PRIM2: variants seen among roughly 807,000 people sequenced by gnomAD.
PRIM2 encodes DNA primase subunit 2.
Under a neutral mutation model 67.3 loss-of-function variants are expected in PRIM2, and 39 were observed. The ratio of observed to expected loss-of-function variants is 0.58; its 90% CI spans 0.45 to 0.76. PRIM2 has a LOEUF of 0.76. PRIM2 is among the 30% of genes least tolerant of loss of function. The pLI is 0.00. For synonymous variants in PRIM2, 143 were observed against 198.7 expected, an observed-to-expected ratio of 0.72 and a Z score of 2.36; for missense variants, 398 against 598.7, an observed-to-expected ratio of 0.66 and a Z score of 3.50.
chr6:57,246,857 CT>C, the PRIM2 span, among the ~76,000 whole-genome samples: 64,780 of 140,006 alleles, frequency 0.46, 14,263 homozygotes, highest in East Asian at 0.76. Flanking sequence ...GACTTAATTT[CT>C]TTTTTTTTTT....
the PRIM2 span, among the ~76,000 whole-genome samples, chr6:57,266,168 C>T: frequency 2.6e-5 from 4 of 152,082 alleles, no homozygotes; most frequent in South Asian, 8.3e-4. Context: ...TATAAAGTAG[C>T]TGCAATGTGA....
At chr6:57,574,337 C>G (rs1348311366) in intron 10 of PRIM2, among the ~76,000 whole-genome samples, 2 of 151,772 alleles carry the variant, frequency 1.3e-5, no homozygotes, top group Non-Finnish European at 2.9e-5. Flanking sequence ...TTGCTTGGGC[C>G]GCTGCCATTC....
chr6:57,432,634 TG>T (rs1207025862), intron 7 of PRIM2, among the ~76,000 whole-genome samples: 1 of 152,238 alleles, frequency 6.6e-6, no homozygotes, highest in Non-Finnish European at 1.5e-5. Context: ...AAAATAGTTT[TG>T]AGAAGAATTT....
At chr6:57,412,370 A>G (rs1238936952) in intron 7 of PRIM2, among the ~76,000 whole-genome samples, 10 of 152,050 alleles carry the variant, frequency 6.6e-5, no homozygotes, top group Admixed American at 3.3e-4. Flanking sequence ...CCTGTTAGCA[A>G]TTTTCTACAA....
chr6:57,396,678 G>T (rs113177250), intron 7 of PRIM2, among the ~76,000 whole-genome samples: 1 of 152,100 alleles, frequency 6.6e-6, no homozygotes, highest in Non-Finnish European at 1.5e-5. Flanking sequence ...GTGAGGTACC[G>T]TTCCATTCAT....
intron 7 of PRIM2, among the ~76,000 whole-genome samples, chr6:57,465,011 TG>T (rs1773139691): frequency 6.6e-6 from 1 of 152,202 alleles, no homozygotes. Flanking sequence ...TCTTTATAGT[TG>T]GGATTATTAT....
the PRIM2 span, among the ~76,000 whole-genome samples, chr6:57,275,038 G>A: frequency 6.6e-6 from 1 of 151,330 alleles, no homozygotes; most frequent in African/African-American, 2.4e-5. Context: ...ACCTGCCTTG[G>A]ATTATAGGCG....
upstream of PRIM2, among the ~76,000 whole-genome samples, chr6:57,311,757 G>C (rs530691597): frequency 1.5e-3 from 232 of 152,128 alleles, 1 homozygote; most frequent in African/African-American, 4.6e-3. Flanking sequence ...TTGAGTGAGC[G>C]AGACTCCGTC....
chr6:57,563,951 G>A (rs1164525702), intron 10 of PRIM2, among the ~76,000 whole-genome samples: 16 of 152,164 alleles, frequency 1.1e-4, no homozygotes, highest in African/African-American at 3.1e-4. Context: ...GAGCTGATGC[G>A]TACAGCCGGC....
chr6:57,340,162 T>C (rs1345298163), intron 5 of PRIM2, among the ~76,000 whole-genome samples: 1 of 152,130 alleles, frequency 6.6e-6, no homozygotes, highest in African/African-American at 2.4e-5. Flanking sequence ...TGAGATACCA[T>C]CTCACACCAG....
rs549842122 is a variant in PRIM2, at chr6:57,323,502, C to G, written c.259-699C>G. Among the ~76,000 whole-genome samples the G allele has an allele frequency of 3.9e-5, 6 of 151,920 alleles. No individual in the cohort carries two copies. The East Asian group carries it at 1.2e-3, about 29-fold the overall frequency. ...GTTTTGTCAAGATTAGTTTACTTCT[C>G]GGTTTCATCTGATTGATAGCTTAAG... is the stretch of plus-strand genomic sequence containing the variant. On this transcript the variant is annotated intron_variant, in intron 3 of 13. Coordinates refer to ENST00000615550, the MANE Select transcript of PRIM2 (RefSeq NM_000947.5).
At chr6:57,508,050 C>T (rs1336239306) in intron 8 of PRIM2, among the ~76,000 whole-genome samples, 2 of 152,170 alleles carry the variant, frequency 1.3e-5, no homozygotes, top group African/African-American at 4.8e-5. Flanking sequence ...AATTCTTGTG[C>T]CTCAGCTTCC....
intron 8 of PRIM2, among the ~76,000 whole-genome samples, chr6:57,513,171 C>T (rs1554347882): frequency 8.0e-5 from 12 of 150,870 alleles, no homozygotes; most frequent in African/African-American, 1.5e-4. Flanking sequence ...CTGTCATTAT[C>T]ATGGTTATAT....
intron 7 of PRIM2, among the ~76,000 whole-genome samples, chr6:57,464,793 C>T (rs1461399916): frequency 6.6e-6 from 1 of 152,110 alleles, no homozygotes; most frequent in Non-Finnish European, 1.5e-5. Flanking sequence ...ATCATTGTTT[C>T]CAAAATCACC....
chr6:57,310,495 C>T (rs935903951), upstream of PRIM2, among the ~76,000 whole-genome samples: 6 of 152,260 alleles, frequency 3.9e-5, no homozygotes, highest in African/African-American at 9.6e-5. Context: ...TTCTTTTCCC[C>T]GCATTTCTCC....
Position 57,343,127 on chromosome 6 carries a change from T to C in PRIM2, c.459+17082T>C, listed in dbSNP as rs544966552. Among the ~76,000 whole-genome samples, 566 of 152,334 alleles carry C rather than the reference T, an allele frequency of 3.7e-3. 3 individuals are homozygous for C. The highest frequency in any genetic ancestry group is 0.013 in the African/African-American group (548 of 41,576). On this transcript the variant is annotated intron_variant, in intron 5 of 13. Coordinates refer to ENST00000615550, the MANE Select transcript of PRIM2 (RefSeq NM_000947.5). ...CGTTGATTTAATAGTTTTAGGTGTATTGAATTTTAAAATACTTTTGGTATT... is the reference window on the plus strand; with the variant it reads ...CGTTGATTTAATAGTTTTAGGTGTACTGAATTTTAAAATACTTTTGGTATT...
intron 5 of PRIM2, among the ~76,000 whole-genome samples, chr6:57,350,196 T>C (rs1768815760): frequency 6.6e-6 from 1 of 152,164 alleles, no homozygotes. Flanking sequence ...GAGTTCTTCA[T>C]AGAACATGTA....
intron 10 of PRIM2, among the ~76,000 whole-genome samples, chr6:57,553,987 C>G (rs1248982121): frequency 6.6e-6 from 1 of 152,158 alleles, no homozygotes; most frequent in Admixed American, 6.5e-5. Flanking sequence ...TAGGTCCTTT[C>G]TGACAAATCA....
intron 7 of PRIM2, among the ~76,000 whole-genome samples, chr6:57,478,580 T>C (rs1407397069): frequency 6.6e-6 from 1 of 152,166 alleles, no homozygotes; most frequent in Non-Finnish European, 1.5e-5. Context: ...TAAAATTATT[T>C]AATCTTGACT....
Sources: allele counts gnomAD v4.1 joint callset (sites outside exome capture counted in the v4.1 genomes callset), GRCh38; gene constraint gnomAD v4.1.1; transcripts MANE v1.5; gene names NCBI Gene and HGNC (gene_info 2026-07-23, HGNC 2026-07-21).